Variants in HS6ST2 observed in about 807,000 individuals in gnomAD.
HS6ST2 encodes the protein heparan-sulfate 6-O-sulfotransferase 2.
In HS6ST2, 17 loss-of-function variants were observed where a neutral mutation model predicts 33.0. That is an observed-to-expected ratio of 0.52 (90% CI 0.35 to 0.77). HS6ST2 has a LOEUF of 0.77. Ranked by LOEUF, HS6ST2 falls within the 30% of genes least tolerant of loss-of-function variation. The pLI is 0.01. For synonymous variants in HS6ST2, 248 were observed against 237.1 expected (o/e 1.05, Z -0.42); for missense variants, 519 against 551.7 (o/e 0.94, Z 0.59).
chrX:132,847,536 G>A (rs1459270060), intron 2 of HS6ST2, among the ~76,000 whole-genome samples: 1 of 111,497 alleles, frequency 9.0e-6, no homozygotes, highest in African/African-American at 3.3e-5. Context: ...AGTATGGTGA[G>A]ATCACCAAAA....
chrX:132,733,989 A>T (rs2064483006), intron 2 of HS6ST2, among the ~76,000 whole-genome samples: 2 of 96,873 alleles, frequency 2.1e-5, no homozygotes, highest in African/African-American at 7.7e-5. Context: ...CATGTGAAGT[A>T]AAAAAAAAAG....
intron 2 of HS6ST2, among the ~76,000 whole-genome samples, chrX:132,881,968 T>G (rs1359117244): frequency 9.0e-6 from 1 of 111,401 alleles, no homozygotes; most frequent in Non-Finnish European, 1.9e-5. Context: ...GGCCCTGTTC[T>G]GTTCCATTGG....
intron 4 of HS6ST2, among the ~76,000 whole-genome samples, chrX:132,665,721 T>G (rs1163184271): frequency 1.9e-5 from 2 of 107,545 alleles, no homozygotes; most frequent in African/African-American, 6.9e-5. Flanking sequence ...CTATGCTTCC[T>G]GATCTCAGTG....
chrX:132,867,317 C>G (rs1200295747), intron 2 of HS6ST2, among the ~76,000 whole-genome samples: 4 of 107,259 alleles, frequency 3.7e-5, no homozygotes, highest in Non-Finnish European at 7.7e-5. Context: ...GCCTTGCATA[C>G]CAGGGATGAA....
In HS6ST2 at chrX:132,757,891, G is replaced by C. The variant is rs776121438; in HGVS notation, c.948-49397C>G. Among the ~76,000 whole-genome samples, 12 of 111,867 alleles carry C rather than the reference G, an allele frequency of 1.1e-4. No individual in the cohort carries two copies. In the South Asian group the frequency reaches 4.5e-3, roughly 42 times the overall value. On this transcript the variant is annotated intron_variant, in intron 2 of 4. Transcript: ENST00000370833. ...CAAAAATCATTCAGTTTCCAGAATG[G>C]AGTCTGATTTTTCATAAATACTTTC... is the stretch of plus-strand genomic sequence containing the variant.
intron 2 of HS6ST2, among the ~76,000 whole-genome samples, chrX:132,746,232 G>A (rs1459426126): frequency 1.8e-5 from 2 of 111,559 alleles, no homozygotes; most frequent in East Asian, 2.8e-4. Context: ...AAGTAAGGGC[G>A]GCCGGGCACG....
chrX:132,873,413 C>A (rs2066082360), intron 2 of HS6ST2, among the ~76,000 whole-genome samples: 1 of 111,824 alleles, frequency 8.9e-6, no homozygotes, highest in Admixed American at 9.5e-5. Flanking sequence ...TCCTTCCCAG[C>A]AATTTTCCCA....
At chrX:132,915,486 G>A (rs1365998858) in intron 2 of HS6ST2, among the ~76,000 whole-genome samples, 1 of 111,525 alleles carries the variant, frequency 9.0e-6, no homozygotes, top group African/African-American at 3.3e-5. Flanking sequence ...ACCCACGGAT[G>A]GTCTTCTCAG....
chrX:132,662,639 T>G (rs989831233), intron 4 of HS6ST2, among the ~76,000 whole-genome samples: 2 of 112,187 alleles, frequency 1.8e-5, no homozygotes, highest in Admixed American at 1.9e-4. Context: ...ATGACCAGCA[T>G]GGAAAGTCAT....
chrX:132,803,613 T>C (rs749447057), intron 2 of HS6ST2, among the ~76,000 whole-genome samples: 140 of 111,647 alleles, frequency 1.3e-3, no homozygotes, highest in African/African-American at 4.3e-3. Context: ...TTCGCCATGT[T>C]GGCCAGGCTA....
At chrX:132,915,639 G>T (rs1221201368) in intron 2 of HS6ST2, among the ~76,000 whole-genome samples, 1 of 111,115 alleles carries the variant, frequency 9.0e-6, no homozygotes, top group Non-Finnish European at 1.9e-5. Context: ...CACCTAACAA[G>T]CTGTGGTAAA....
At position 132,807,117 on chromosome X, in the gene HS6ST2, C is replaced by G. The variant is rs185848654; in HGVS notation, c.948-98623G>C. ...AAATGGCAATTACTTTCGGACCAAC[C>G]TAATAGTAGATCCAGGATTGGAACC... On this transcript the variant is annotated intron_variant, in intron 2 of 4. Coordinates refer to ENST00000370833, the MANE Select transcript of HS6ST2 (RefSeq NM_001394073.1). 4.5e-5 allele frequency among the ~76,000 whole-genome samples: 5 copies of G among 110,131 alleles called. No homozygotes were observed. In the East Asian group the frequency reaches 1.1e-3, roughly 25 times the overall value.
At position 132,810,281 on chromosome X, in the gene HS6ST2, C is replaced by T. The variant is rs776810961; in HGVS notation, c.948-101787G>A. 2.8e-5 allele frequency among the ~76,000 whole-genome samples: 3 copies of T among 109,019 alleles called. No homozygotes were observed. The South Asian group carries it at 1.2e-3, about 45-fold the overall frequency. The allele number at this position is 109,019 out of a possible 115,157, so 94.7% of individuals were successfully genotyped here. A position where few individuals can be genotyped will look rare whatever the true frequency, so the allele number is the denominator to read the frequency against. ...AACAGCTAGGCCTGGTGGTGCATGC[C>T]TGTAGTTCCAGCTATTTGGGAGGCT... On this transcript the variant is annotated intron_variant, in intron 2 of 4. Coordinates refer to ENST00000370833, the MANE Select transcript of HS6ST2 (RefSeq NM_001394073.1).
intron 2 of HS6ST2, among the ~76,000 whole-genome samples, chrX:132,828,937 C>T (rs974340680): frequency 4.9e-5 from 5 of 101,915 alleles, no homozygotes; most frequent in Non-Finnish European, 9.9e-5. Flanking sequence ...CACACCTATC[C>T]TTTTTTAACC....
chrX:132,696,739 G>C (rs984580806), intron 3 of HS6ST2, among the ~76,000 whole-genome samples: 3 of 96,865 alleles, frequency 3.1e-5, no homozygotes, highest in Non-Finnish European at 6.3e-5. Flanking sequence ...TCCAAACTTT[G>C]GTCATGTTTC....
chrX:132,855,836 AG>A (rs1190361620), intron 2 of HS6ST2, among the ~76,000 whole-genome samples: 2 of 110,303 alleles, frequency 1.8e-5, no homozygotes, highest in Non-Finnish European at 3.8e-5. Context: ...CTAAAATAAA[AG>A]CATTTCCTTT....
intron 2 of HS6ST2, among the ~76,000 whole-genome samples, chrX:132,750,193 C>T (rs2064687964): frequency 9.0e-6 from 1 of 110,520 alleles, no homozygotes; most frequent in Non-Finnish European, 1.9e-5. Flanking sequence ...TGGACACAGT[C>T]GAGTTTGGGC....
upstream of HS6ST2, among the ~76,000 whole-genome samples, chrX:132,960,474 G>A (rs766002357): frequency 2.7e-4 from 30 of 111,245 alleles, no homozygotes; most frequent in African/African-American, 8.8e-4. Context: ...GCCCTCAGCA[G>A]CTAAACTACG....
chrX:132,710,597 C>A (rs1415453314), intron 2 of HS6ST2, among the ~76,000 whole-genome samples: 1 of 110,897 alleles, frequency 9.0e-6, no homozygotes, highest in African/African-American at 3.3e-5. Flanking sequence ...AGAGTTTCTC[C>A]CTGTTTTATT....
Sources: gnomAD v4.1 joint callset for allele counts (sites outside exome capture counted in the v4.1 genomes callset) on GRCh38, gnomAD v4.1.1 for gene constraint, MANE v1.5 for transcripts, NCBI Gene and HGNC (gene_info 2026-07-23, HGNC 2026-07-21) for gene names.